The following SV2A variants were observed in gnomAD, a reference collection of about 807,000 sequenced individuals.
SV2A encodes solute carrier family 22 member B1.
Under a neutral mutation model 78.0 loss-of-function variants are expected in SV2A, and 25 were observed. The observed-to-expected ratio is 0.32, with a 90% CI of 0.23 to 0.45. SV2A has a LOEUF of 0.45. Among genes scored for constraint, SV2A ranks in the 20% least tolerant of loss-of-function variants. SV2A has a pLI of 1.00. For missense variants in SV2A, 752 were observed against 971.5 expected, an observed-to-expected ratio of 0.77 and a Z score of 3.00; for synonymous variants, 355 against 384.7, an observed-to-expected ratio of 0.92 and a Z score of 0.90.
In SV2A at chr1:149,909,346, T is replaced by C. The variant is rs929277437; in HGVS notation, c.1291-66A>G. ...GTTCTAGCACCCATAGATCCCCACT[T>C]TTCTGCCCTCCCACCTCCCTTCAGC... On this transcript the variant is annotated intron_variant, in intron 7 of 12. Coordinates refer to ENST00000369146, the MANE Select transcript of SV2A (RefSeq NM_014849.5). 1.9e-6 allele frequency: 3 copies of C among 1,583,940 alleles called. No individual in the cohort carries two copies. In the Admixed American group the frequency reaches 5.0e-5, roughly 26 times the overall value.
At chr1:149,905,814 A>G in intron 12 of SV2A, 66 bp downstream of exon 12, 7 of 1,581,690 alleles carry the variant, frequency 4.4e-6, no homozygotes, top group Non-Finnish European at 6.1e-6. Context: ...CTTCCCATTC[A>G]GCCCTCCTTC....
chr1:149,905,588 C>T (rs587596741), intron 12 of SV2A: 12 of 341,458 alleles, frequency 3.5e-5, no homozygotes, highest in East Asian at 6.4e-5. Flanking sequence ...TGAGTAGCTG[C>T]GATTACAGGC....
Position 149,910,007 on chromosome 1 carries a change from C to A in SV2A, c.1090-117G>T. The A allele has an allele frequency of 1.1e-6, 1 of 900,468 alleles. No homozygotes were observed. The highest frequency in any genetic ancestry group is 1.8e-6 in the Non-Finnish European group (1 of 567,502). The allele number at this position is 900,468 out of a possible 1,614,324, so 55.8% of individuals were successfully genotyped here. Reference sequence around the variant, plus strand: ...ACAGGACACTAAATGGTTCCCAGCCCTCAACCCCACCACCAAGCCCTGACC... The same window carrying A: ...ACAGGACACTAAATGGTTCCCAGCCATCAACCCCACCACCAAGCCCTGACC... On this transcript the variant is annotated intron_variant, in intron 5 of 12. Coordinates refer to ENST00000369146, the MANE Select transcript of SV2A (RefSeq NM_014849.5). The surrounding 1 kb of genome is among the most constrained non-coding windows in gnomAD (Gnocchi z 4.2).
At chr1:149,907,242 C>T (rs1425585504) in intron 10 of SV2A, among the ~76,000 whole-genome samples, 1 of 152,152 alleles carries the variant, frequency 6.6e-6, no homozygotes, top group East Asian at 1.9e-4. Context: ...GGAAAAAGCT[C>T]GCCCAGTATG....
chr1:149,917,463 A>C (rs2092522291), intron 1 of SV2A, among the ~76,000 whole-genome samples: 1 of 152,112 alleles, frequency 6.6e-6, no homozygotes, highest in Non-Finnish European at 1.5e-5. Context: ...TCCGAAGGGG[A>C]TAGTGGGGAC....
chr1:149,909,905 A>G lies in SV2A; in HGVS notation c.1090-15T>C. 1.2e-6 allele frequency: 2 copies of G among 1,613,326 alleles called. No individual in the cohort carries two copies. The highest frequency in any genetic ancestry group is 1.7e-6 in the Non-Finnish European group (2 of 1,179,486). ...TGCTTTCCATTCTAGAGCCAAAGACACAATCCCCACATCCAAGTCAGCCCC... is the reference window on the plus strand; with the variant it reads ...TGCTTTCCATTCTAGAGCCAAAGACGCAATCCCCACATCCAAGTCAGCCCC... On this transcript the variant is annotated splice_polypyrimidine_tract_variant and intron_variant, in intron 5 of 12. Transcript: ENST00000369146.
intron 2 of SV2A, 31 bp from the exon 3 acceptor site, chr1:149,912,011 G>C: frequency 6.2e-7 from 1 of 1,601,680 alleles, no homozygotes; most frequent in Non-Finnish European, 8.5e-7. Context: ...GGCAGAGGGG[G>C]TGTGAGCAGA....
intron 3 of SV2A, among the ~76,000 whole-genome samples, 195 bp from the exon 4 acceptor site, chr1:149,911,172 G>A (rs782353017): frequency 1.3e-5 from 2 of 152,186 alleles, no homozygotes; most frequent in Non-Finnish European, 2.9e-5. Context: ...ACAGGCAAGC[G>A]AGTCTCAGGG....
intron 10 of SV2A, 96 bp downstream of exon 10, chr1:149,907,604 A>G: frequency 1.4e-6 from 2 of 1,461,080 alleles, no homozygotes; most frequent in South Asian, 3.1e-5. Context: ...CAGGGATCTC[A>G]GCTTGAGAAC....
At chr1:149,914,943 T>C (rs947881608) in intron 1 of SV2A, among the ~76,000 whole-genome samples, 2 of 152,168 alleles carry the variant, frequency 1.3e-5, no homozygotes, top group African/African-American at 4.8e-5. Context: ...CTATACTACC[T>C]CATAAGGTCC....
rs782194246 is a variant in SV2A at position 149,906,036 on chromosome 1, C to T, written c.1889G>A (p.Gly630Asp). Residue 630 changes from glycine (G) to aspartate (D), a missense_variant, in exon 12 of 13, where the codon GGC becomes GAC. Coordinates refer to ENST00000369146, the MANE Select transcript of SV2A (RefSeq NM_014849.5). ...GGAGACACAGGACATCACGCTGGAG[C>T]CAGCTGGAGCCAGGAGAGGAGAGAG... ...DKIGRLRMLA[G>D]SSVMSCVSCF... The T allele has an allele frequency of 6.2e-7, 1 of 1,614,080 alleles. No individual in the cohort carries two copies. Among genetic ancestry groups the T allele is most frequent in the South Asian group, 1.1e-5 (1 of 91,074 alleles).
At chr1:149,905,798 G>C (rs2092433945) in intron 12 of SV2A, 82 bp downstream of exon 12, 2 of 1,554,318 alleles carry the variant, frequency 1.3e-6, no homozygotes. Flanking sequence ...CACCCCTAAG[G>C]ATGCTCTTCC....
At chr1:149,909,722 G>T (rs1421311839) in intron 6 of SV2A, 79 bp downstream of exon 6, 10 of 1,486,192 alleles carry the variant, frequency 6.7e-6, no homozygotes, top group South Asian at 3.4e-5. Flanking sequence ...GGTCTGAGGT[G>T]GGGGGTACTC....
Position 149,909,219 on chromosome 1 carries a change from A to G in SV2A, c.1352T>C (p.Met451Thr). ...PEYRRITLMM[M>T]GVWFTMSFSY... is the part of the protein sequence containing the mutation. ...GAATGACATGGTGAACCACACACCC[A>G]TCATCATCAGAGTGATGCGCCGATA... The change falls in exon 8 of 13, where the codon ATG becomes ACG. Residue 451 changes from methionine to threonine, a missense_variant. Physicochemically the swap from Met to Thr is moderately conservative, Grantham distance 81. Coordinates refer to ENST00000369146, the MANE Select transcript of SV2A (RefSeq NM_014849.5). 1 of 1,613,958 alleles carries G rather than the reference A, an allele frequency of 6.2e-7. No individual in the cohort carries two copies. The highest frequency in any genetic ancestry group is 8.5e-7 in the Non-Finnish European group (1 of 1,179,972).
At chr1:149,911,650 T>C (rs1027633651) in intron 3 of SV2A, 150 bp downstream of exon 3, 10 of 829,644 alleles carry the variant, frequency 1.2e-5, no homozygotes, top group South Asian at 1.9e-5. Context: ...GGCCTGAAGA[T>C]GGCTGGGGGA....
At chr1:149,911,620 G>A (rs1249460731) in intron 3 of SV2A, among the ~76,000 whole-genome samples, 180 bp downstream of exon 3, 1 of 152,200 alleles carries the variant, frequency 6.6e-6, no homozygotes, top group Non-Finnish European at 1.5e-5. Flanking sequence ...CAGCAGACAG[G>A]TCCTGGGCAG....
At chr1:149,913,134 C>G (rs2092486160) in intron 2 of SV2A, 85 bp downstream of exon 2, 1 of 1,532,964 alleles carries the variant, frequency 6.5e-7, no homozygotes, top group Admixed American at 1.8e-5. Context: ...CCTAGGGAAC[C>G]CAGTGGTAAG....
chr1:149,915,920 C>T (rs923006587), intron 1 of SV2A, among the ~76,000 whole-genome samples: 1 of 152,132 alleles, frequency 6.6e-6, no homozygotes, highest in Non-Finnish European at 1.5e-5. Context: ...CACGCACACA[C>T]ACACACACGC....
intron 12 of SV2A, chr1:149,905,438 C>G (rs2101610710): frequency 2.3e-6 from 1 of 433,798 alleles, no homozygotes; most frequent in South Asian, 5.7e-5. Flanking sequence ...GATACAAAAG[C>G]TACCAGATTT....
Sources: allele counts gnomAD v4.1 joint callset (sites outside exome capture counted in the v4.1 genomes callset), GRCh38; gene constraint gnomAD v4.1.1; non-coding constraint Gnocchi (gnomAD v3.1); transcripts MANE v1.5; gene names NCBI Gene and HGNC (gene_info 2026-07-23, HGNC 2026-07-21).